CD302: variants seen among roughly 807,000 people sequenced by gnomAD.
CD302 encodes the protein CD302 antigen.
CD302 carries 23 observed loss-of-function variants against 26.5 expected under a neutral mutation model. The ratio of observed to expected loss-of-function variants is 0.87; its 90% CI spans 0.62 to 1.23. CD302 has a LOEUF of 1.23. Among genes scored for constraint, CD302 ranks in the 50% most tolerant of loss-of-function variants. The probability of loss-of-function intolerance (pLI) is 0.00; values close to 1 mark genes in which losing one functional copy is unlikely to be tolerated. For synonymous variants in CD302, 90 were observed against 99.4 expected (o/e 0.91, Z 0.56); for missense variants, 290 against 275.5 (o/e 1.05, Z -0.37).
chr2:159,780,053 C>T lies in CD302; in HGVS notation c.421G>A (p.Gly141Arg), dbSNP rs1214932431. 1 of 1,613,824 alleles carries T rather than the reference C, an allele frequency of 6.2e-7. No individual in the cohort carries two copies. Among genetic ancestry groups the T allele is most frequent in the Non-Finnish European group, 8.5e-7 (1 of 1,179,912 alleles). Residue 141 changes from glycine to arginine, a missense_variant, in exon 4 of 6, where the codon GGA (glycine) becomes AGA (arginine). Gly to Arg is a moderately radical substitution (Grantham distance 125, BLOSUM62 -2). Transcript: ENST00000259053. Reference sequence around the variant, plus strand: ...TCCACAGAAGAAACTTCACAATTTCCTTTTTTCCATTCACCTGTCTTGATG... The same window carrying T: ...TCCACAGAAGAAACTTCACAATTTCTTTTTTTCCATTCACCTGTCTTGATG... ...LHIKTGEWKK[G>R]NCEVSSVEGT...
At chr2:159,795,448 C>T (rs745888318) in intron 1 of CD302, among the ~76,000 whole-genome samples, 1 of 152,138 alleles carries the variant, frequency 6.6e-6, no homozygotes, top group Non-Finnish European at 1.5e-5. Context: ...AAACAAAAAT[C>T]CACAAGATGG....
chr2:159,771,891 A>G lies in CD302; in HGVS notation c.659T>C (p.Val220Ala). Residue 220 changes from valine to alanine, a missense_variant, in exon 6 of 6, where the codon GTA (valine) becomes GCA (alanine). Physicochemically the swap from Val to Ala is moderately conservative, Grantham distance 64. Coordinates refer to ENST00000259053, the MANE Select transcript of CD302 (RefSeq NM_014880.5). Reference sequence around the variant, plus strand: ...AGGATATTCATTTTCTTCTCCAACTACCAAAACACAGTCTTCATTATAAGG... The same window carrying G: ...AGGATATTCATTTTCTTCTCCAACTGCCAAAACACAGTCTTCATTATAAGG... ...QSPYNEDCVL[V>A]VGEENEYPVQ... 6.2e-7 allele frequency: 1 copy of G among 1,613,974 alleles called. No homozygotes were observed. The highest frequency in any genetic ancestry group is 8.5e-7 in the Non-Finnish European group (1 of 1,179,916).
chr2:159,771,691 C>A lies in CD302; in HGVS notation c.*160G>T. The A allele has an allele frequency of 2.4e-6, 2 of 825,202 alleles. No individual in the cohort carries two copies. The highest frequency in any genetic ancestry group is 3.8e-5 in the South Asian group (2 of 52,754). The allele number at this position is 825,202 out of a possible 1,614,324, so 51.1% of individuals were successfully genotyped here. A position where few individuals can be genotyped will look rare whatever the true frequency, so the allele number is the denominator to read the frequency against. ...TCTAAAACCTGTTTTTTTAATGAAC[C>A]TAAAGACTTTTCACAGCAGATGAGT... On this transcript the variant is annotated 3_prime_UTR_variant, in exon 6 of 6. Transcript: ENST00000259053.
intron 1 of CD302, among the ~76,000 whole-genome samples, chr2:159,793,423 T>C (rs568285373): frequency 6.6e-6 from 1 of 151,582 alleles, no homozygotes; most frequent in East Asian, 1.9e-4. Context: ...TCTGTCTCTC[T>C]TTTTTTTAAA....
intron 1 of CD302, among the ~76,000 whole-genome samples, chr2:159,790,738 T>G (rs903344054): frequency 6.6e-6 from 1 of 152,254 alleles, no homozygotes; most frequent in South Asian, 2.1e-4. Flanking sequence ...TGAAACACTT[T>G]TATAAATCAT....
At chr2:159,778,688 T>G (rs1341906789) in intron 4 of CD302, among the ~76,000 whole-genome samples, 2 of 152,126 alleles carry the variant, frequency 1.3e-5, no homozygotes, top group African/African-American at 2.4e-5. Context: ...ATTCATATTT[T>G]GAAACATTAA....
At chr2:159,777,504 T>C (rs1708370229) in intron 5 of CD302, among the ~76,000 whole-genome samples, 5 of 152,228 alleles carry the variant, frequency 3.3e-5, no homozygotes, top group Admixed American at 3.3e-4. Flanking sequence ...CCCAGCTTTC[T>C]ACTTTCTAGA....
intron 5 of CD302, among the ~76,000 whole-genome samples, chr2:159,774,739 G>A (rs1708259618): frequency 6.6e-6 from 1 of 152,144 alleles, no homozygotes; most frequent in African/African-American, 2.4e-5. Context: ...CCTTTCCTGT[G>A]TGCTTGCCAC....
At chr2:159,780,784 G>A (rs906121013) in intron 3 of CD302, 98 bp downstream of exon 3, 4 of 1,112,960 alleles carry the variant, frequency 3.6e-6, no homozygotes, top group Non-Finnish European at 5.4e-6. Flanking sequence ...GAGGCCACAG[G>A]AATCATCAAC....
At chr2:159,789,022 AT>A (rs56015039) in intron 1 of CD302, among the ~76,000 whole-genome samples, 49,458 of 147,912 alleles carry the variant, frequency 0.33, 8,815 homozygotes, top group Admixed American at 0.51. Flanking sequence ...GGTAACTCCA[AT>A]TTTTTTTTTT....
Position 159,783,444 on chromosome 2 carries a change from C to G in CD302, c.93G>C (p.Gln31His), listed in dbSNP as rs754715062. The change falls in exon 2 of 6, where the codon CAG (glutamine) becomes CAC (histidine). Residue 31 changes from glutamine to histidine, a missense_variant. By Grantham distance (24) the Gln-to-His change is conservative (BLOSUM62 0). Transcript: ENST00000259053. ...VADCPSSTWI[Q>H]FQDSCYIFLQ... The stretch of plus-strand genomic sequence containing the variant: ...GAAAAATGTAACAACTGTCTTGGAA[C>G]TGAATCCAAGTAGATGAAGGACAGT... The G allele has an allele frequency of 6.2e-7, 1 of 1,610,754 alleles. No homozygotes were observed. The highest frequency in any genetic ancestry group is 2.2e-5 in the East Asian group (1 of 44,748).
chr2:159,780,784 G>T lies in CD302; in HGVS notation c.295+98C>A, dbSNP rs906121013. The T allele has an allele frequency of 9.0e-6, 10 of 1,112,836 alleles. No homozygotes were observed. The African/African-American group carries it at 1.4e-4, about 16-fold the overall frequency. The allele number at this position is 1,112,836 out of a possible 1,614,324, so 68.9% of individuals were successfully genotyped here. On this transcript the variant is annotated intron_variant, in intron 3 of 5. Coordinates refer to ENST00000259053, the MANE Select transcript of CD302 (RefSeq NM_014880.5). ...AAAATTTAACACCTGGAGGCCACAG[G>T]AATCATCAACTTGAACCAGAGAATT...
intron 5 of CD302, among the ~76,000 whole-genome samples, chr2:159,776,173 T>G (rs982613638): frequency 6.6e-6 from 1 of 152,060 alleles, no homozygotes; most frequent in African/African-American, 2.4e-5. Context: ...TTATTTTGTT[T>G]AGCCTAATGT....
chr2:159,788,849 T>C (rs953535777), intron 1 of CD302, among the ~76,000 whole-genome samples: 1 of 152,200 alleles, frequency 6.6e-6, no homozygotes, highest in Non-Finnish European at 1.5e-5. Flanking sequence ...CTCCATTCTC[T>C]CTCTCTTCCC....
chr2:159,778,056 C>A, intron 4 of CD302, 92 bp from the exon 5 acceptor site: 1 of 384,574 alleles, frequency 2.6e-6, no homozygotes. Context: ...AAAATAAACC[C>A]TTTTATTAGT....
chr2:159,772,268 C>T (rs1054893051), intron 5 of CD302, among the ~76,000 whole-genome samples: 1 of 152,168 alleles, frequency 6.6e-6, no homozygotes, highest in African/African-American at 2.4e-5. Flanking sequence ...AAGTTGTGCA[C>T]TTCTCCACTC....
chr2:159,783,425 T>C lies in CD302; in HGVS notation c.112A>G (p.Ile38Val). Reference protein sequence around the residue: ...TWIQFQDSCYIFLQEAIKVES... With the variant: ...TWIQFQDSCYVFLQEAIKVES... ...ACTTTGATGGCTTCTTGGAGAAAAA[T>C]GTAACAACTGTCTTGGAACTGAATC... The change falls in exon 2 of 6, where the codon ATT (isoleucine) becomes GTT (valine). Residue 38 changes from isoleucine to valine, a missense_variant. Coordinates refer to ENST00000259053, the MANE Select transcript of CD302 (RefSeq NM_014880.5). 2 of 1,612,796 alleles carry C rather than the reference T, an allele frequency of 1.2e-6. No individual in the cohort carries two copies. Among genetic ancestry groups the C allele is most frequent in the Admixed American group, 1.7e-5 (1 of 59,724 alleles).
intron 5 of CD302, among the ~76,000 whole-genome samples, chr2:159,776,697 ATTTTT>A (rs753454427): frequency 8.7e-6 from 1 of 114,596 alleles, no homozygotes; most frequent in Admixed American, 1.1e-4. Flanking sequence ...CTCACATCCA[ATTTTT>A]TTTTTTTTTT....
chr2:159,776,765 C>T (rs898411154), intron 5 of CD302, among the ~76,000 whole-genome samples: 3 of 135,058 alleles, frequency 2.2e-5, no homozygotes, highest in Non-Finnish European at 4.5e-5. Flanking sequence ...AGGGCAGTGG[C>T]GTGATCTCGG....
Sources: gnomAD v4.1 joint callset for allele counts (sites outside exome capture counted in the v4.1 genomes callset) on GRCh38, gnomAD v4.1.1 for gene constraint, MANE v1.5 for transcripts, NCBI Gene and HGNC (gene_info 2026-07-23, HGNC 2026-07-21) for gene names.